Variants in CACNG8 observed in about 807,000 individuals in gnomAD.
CACNG8 encodes voltage-dependent calcium channel gamma-8 subunit.
Under a neutral mutation model 26.9 loss-of-function variants are expected in CACNG8, and 5 were observed. The ratio of observed to expected loss-of-function variants is 0.19; its 90% CI spans 0.10 to 0.39. CACNG8 has a LOEUF of 0.39. Among genes scored for constraint, CACNG8 ranks in the 10% least tolerant of loss-of-function variants. CACNG8 has a pLI of 1.00. For synonymous variants in CACNG8, 321 were observed against 296.7 expected (o/e 1.08, Z -0.84); for missense variants, 473 against 609.4 (o/e 0.78, Z 2.36).
chr19:53,988,517 T>G lies in CACNG8; in HGVS notation c.*5668T>G, dbSNP rs986752576. The G allele has an allele frequency of 6.6e-6, 1 of 151,532 alleles. No individual in the cohort carries two copies. Among genetic ancestry groups the G allele is most frequent in the African/African-American group, 2.4e-5 (1 of 41,170 alleles). The allele number at this position is 151,532 out of a possible 1,614,324, so 9.4% of individuals were successfully genotyped here. ...TGAGAGGCTGAAGCAGGAGAATCTC[T>G]TGGGCCCAGGAGGCAGAGGTTGCAG... On this transcript the variant is annotated 3_prime_UTR_variant, in exon 4 of 4. Transcript: ENST00000270458.
At position 53,988,881 on chromosome 19, in the gene CACNG8, C is replaced by A. The variant is rs925280796; in HGVS notation, c.*6032C>A. ...TCAGCGCCGGGCACACTCTGGGATT[C>A]CCCCTGTAGACCCTGTCAAGACCTA... On this transcript the variant is annotated 3_prime_UTR_variant, in exon 4 of 4. Coordinates refer to ENST00000270458, the MANE Select transcript of CACNG8 (RefSeq NM_031895.6). 4.6e-5 allele frequency: 7 copies of A among 152,276 alleles called. No homozygotes were observed. Among genetic ancestry groups the A allele is most frequent in the African/African-American group, 1.7e-4 (7 of 41,436 alleles). 9.4% of individuals were successfully genotyped at this position (152,276 alleles called of 1,614,324 possible).
At chr19:53,980,302 C>T (rs1014104394) in intron 3 of CACNG8, among the ~76,000 whole-genome samples, 23 of 151,894 alleles carry the variant, frequency 1.5e-4, no homozygotes, top group African/African-American at 5.3e-4. Flanking sequence ...GATCCCAAGC[C>T]CGCCGTCCTG....
Position 53,982,816 on chromosome 19 carries a change from C to CA in CACNG8, c.1247dup (p.Asn416LysfsTer81). 7.3e-7 allele frequency: 1 copy of CA among 1,374,688 alleles called. No homozygotes were observed. 85.2% of individuals were successfully genotyped at this position (1,374,688 alleles called of 1,614,324 possible). ...CCAAGGAGGCCGCCGCCTCCAACAC[C>CA]AACACGCTCAACAGGAAAACCACGC... On this transcript the variant is annotated frameshift_variant, in exon 4 of 4. Coordinates refer to ENST00000270458, the MANE Select transcript of CACNG8 (RefSeq NM_031895.6). LOFTEE classifies it high-confidence loss of function. The surrounding 1 kb of genome is among the most constrained non-coding windows in gnomAD (Gnocchi z 8.4).
intron 1 of CACNG8, among the ~76,000 whole-genome samples, chr19:53,964,128 A>T (rs1479315837): frequency 1.3e-5 from 2 of 151,662 alleles, no homozygotes; most frequent in Non-Finnish European, 2.9e-5. Context: ...CCGTCAGTTC[A>T]TCTTGACCCT....
rs2069381901 is a variant in CACNG8, at chr19:53,982,820, A to G, written c.1249A>G (p.Thr417Ala). ...GGAGGCCGCCGCCTCCAACACCAAC[A>G]CGCTCAACAGGAAAACCACGCCTGT... Residue 417 changes from threonine to alanine, a missense_variant, in exon 4 of 4, where the codon ACG becomes GCG. Physicochemically the swap from Thr to Ala is moderately conservative, Grantham distance 58. Coordinates refer to ENST00000270458, the MANE Select transcript of CACNG8 (RefSeq NM_031895.6). The surrounding 1 kb of genome is among the most constrained non-coding windows in gnomAD (Gnocchi z 8.4). The G allele has an allele frequency of 7.3e-7, 1 of 1,367,736 alleles. No individual in the cohort carries two copies. The allele number at this position is 1,367,736 out of a possible 1,614,324, so 84.7% of individuals were successfully genotyped here. A position where few individuals can be genotyped will look rare whatever the true frequency, so the allele number is the denominator to read the frequency against.
intron 1 of CACNG8, among the ~76,000 whole-genome samples, chr19:53,971,283 C>T (rs1257412336): frequency 7.3e-6 from 1 of 136,888 alleles, no homozygotes; most frequent in Admixed American, 7.3e-5. Context: ...CAGATTGAGG[C>T]CCTGTCTCAA....
In CACNG8 at chr19:53,983,590, G is replaced by A. The variant is rs1407392240; in HGVS notation, c.*741G>A. 2 of 152,228 alleles carry A rather than the reference G, an allele frequency of 1.3e-5. No individual in the cohort carries two copies. Among genetic ancestry groups the A allele is most frequent in the Admixed American group, 6.5e-5 (1 of 15,278 alleles). 9.4% of individuals were successfully genotyped at this position (152,228 alleles called of 1,614,324 possible). ...ACGTCTCATAGAGTAAACATCTTGTGCATGAGACAGGCATTAATCGATCAT... is the reference window on the plus strand; with the variant it reads ...ACGTCTCATAGAGTAAACATCTTGTACATGAGACAGGCATTAATCGATCAT... On this transcript the variant is annotated 3_prime_UTR_variant, in exon 4 of 4. Coordinates refer to ENST00000270458, the MANE Select transcript of CACNG8 (RefSeq NM_031895.6).
chr19:53,976,191 A>G (rs1352740633), intron 1 of CACNG8, among the ~76,000 whole-genome samples: 1 of 152,216 alleles, frequency 6.6e-6, no homozygotes, highest in African/African-American at 2.4e-5. Flanking sequence ...CTGTCTATAC[A>G]GAAAATGCAA....
chr19:53,966,173 G>C (rs111905867), intron 1 of CACNG8, among the ~76,000 whole-genome samples: 1 of 151,858 alleles, frequency 6.6e-6, no homozygotes, highest in African/African-American at 2.4e-5. Flanking sequence ...CTGCAACTTC[G>C]GCCTCCTGGG....
Position 53,982,793 on chromosome 19 carries a change from A to G in CACNG8, c.1222A>G (p.Lys408Glu), listed in dbSNP as rs1367376545. 4 of 1,360,956 alleles carry G rather than the reference A, an allele frequency of 2.9e-6. No homozygotes were observed. Among genetic ancestry groups the G allele is most frequent in the African/African-American group, 1.5e-5 (1 of 65,204 alleles). 84.3% of individuals were successfully genotyped at this position (1,360,956 alleles called of 1,614,324 possible). A position where few individuals can be genotyped will look rare whatever the true frequency, so the allele number is the denominator to read the frequency against. ...TGCGCCCGCCCCCGGGACCCTGGCCAAGGAGGCCGCCGCCTCCAACACCAA... is the reference window on the plus strand; with the variant it reads ...TGCGCCCGCCCCCGGGACCCTGGCCGAGGAGGCCGCCGCCTCCAACACCAA... Residue 408 changes from lysine to glutamate, a missense_variant, in exon 4 of 4, where the codon AAG becomes GAG. Coordinates refer to ENST00000270458, the MANE Select transcript of CACNG8 (RefSeq NM_031895.6). This position sits in a 1 kb window ranked among gnomAD's most constrained non-coding sequence, Gnocchi z 8.4.
At chr19:53,967,379 A>T (rs2069277284) in intron 1 of CACNG8, among the ~76,000 whole-genome samples, 1 of 152,222 alleles carries the variant, frequency 6.6e-6, no homozygotes, top group African/African-American at 2.4e-5. Context: ...AACAGATAAC[A>T]TCTGGACAGA....
intron 1 of CACNG8, among the ~76,000 whole-genome samples, chr19:53,977,607 G>C (rs1407429258): frequency 6.6e-6 from 1 of 152,154 alleles, no homozygotes; most frequent in Non-Finnish European, 1.5e-5. Context: ...CACAGGACTA[G>C]AGACTACAAC....
intron 2 of CACNG8, among the ~76,000 whole-genome samples, chr19:53,979,420 A>G (rs2069350645): frequency 6.6e-6 from 1 of 151,946 alleles, no homozygotes; most frequent in African/African-American, 2.4e-5. Context: ...ACCCAGATAG[A>G]TGAAGCGAGG....
At chr19:53,970,512 C>G (rs919400722) in intron 1 of CACNG8, among the ~76,000 whole-genome samples, 1 of 150,012 alleles carries the variant, frequency 6.7e-6, no homozygotes, top group Admixed American at 6.7e-5. Flanking sequence ...GTAGTCCCAG[C>G]TACTGGGGAG....
intron 1 of CACNG8, among the ~76,000 whole-genome samples, chr19:53,973,457 A>T (rs1002779470): frequency 6.6e-6 from 1 of 152,068 alleles, no homozygotes; most frequent in Non-Finnish European, 1.5e-5. Flanking sequence ...TGGGAGGGGG[A>T]GTTTGCAGTG....
At chr19:53,970,470 C>G (rs1387366474) in intron 1 of CACNG8, among the ~76,000 whole-genome samples, 1 of 147,120 alleles carries the variant, frequency 6.8e-6, no homozygotes. Flanking sequence ...ACTAAAAATA[C>G]AAAAATTAGT....
At position 53,982,835 on chromosome 19, in the gene CACNG8, ACCACG is replaced by A; in HGVS notation, c.1267_1271del (p.Thr423CysfsTer72). 1 of 1,365,062 alleles carries A rather than the reference ACCACG, an allele frequency of 7.3e-7. No homozygotes were observed. The highest frequency in any genetic ancestry group is 9.5e-7 in the Non-Finnish European group (1 of 1,052,576). 84.6% of individuals were successfully genotyped at this position (1,365,062 alleles called of 1,614,324 possible). Reference sequence around the variant, plus strand: ...CAACACCAACACGCTCAACAGGAAAACCACGCCTGTGTAGGGGCGCGGCGGGGGAG... The same window carrying A: ...CAACACCAACACGCTCAACAGGAAAACCTGTGTAGGGGCGCGGCGGGGGAG... On this transcript the variant is annotated frameshift_variant, in exon 4 of 4. Coordinates refer to ENST00000270458, the MANE Select transcript of CACNG8 (RefSeq NM_031895.6). LOFTEE classifies it high-confidence loss of function. This position sits in a 1 kb window ranked among gnomAD's most constrained non-coding sequence, Gnocchi z 8.4.
intron 1 of CACNG8, among the ~76,000 whole-genome samples, chr19:53,970,887 G>A (rs1288752943): frequency 2.0e-5 from 3 of 148,252 alleles, no homozygotes; most frequent in Non-Finnish European, 4.4e-5. Flanking sequence ...AGCTGTGATT[G>A]TGCCACTGCA....
intron 3 of CACNG8, 38 bp downstream of exon 3, chr19:53,980,045 C>G (rs1298083968): frequency 8.3e-6 from 13 of 1,565,764 alleles, no homozygotes; most frequent in Non-Finnish European, 1.0e-5. Context: ...GGGCGGCCCA[C>G]CTGGGCGCGC....
Sources: allele counts gnomAD v4.1 joint callset (sites outside exome capture counted in the v4.1 genomes callset), GRCh38; gene constraint gnomAD v4.1.1; non-coding constraint Gnocchi (gnomAD v3.1); transcripts MANE v1.5; gene names NCBI Gene and HGNC (gene_info 2026-07-23, HGNC 2026-07-21).